The following FRRS1L variants were observed in gnomAD, a reference collection of about 807,000 sequenced individuals.
The protein encoded by FRRS1L is ferric chelate reductase 1 like, also known as DOMON domain-containing protein FRRS1L.
In FRRS1L, 22 loss-of-function variants were observed where a neutral mutation model predicts 28.6. The ratio of observed to expected loss-of-function variants is 0.77; its 90% confidence interval spans 0.55 to 1.10. FRRS1L has a LOEUF of 1.10. Ranked by LOEUF, FRRS1L falls within the 50% of genes least tolerant of loss-of-function variation. The probability of loss-of-function intolerance (pLI) is 0.00; values close to 1 mark genes in which losing one functional copy is unlikely to be tolerated. For missense variants in FRRS1L, 380 were observed against 386.9 expected (o/e 0.98, Z 0.15); for synonymous variants, 158 against 151.4 (o/e 1.04, Z -0.32).
At position 109,166,936 on chromosome 9, in the gene FRRS1L, C is replaced by T; in HGVS notation, c.203G>A (p.Gly68Glu). 1.5e-6 allele frequency: 2 copies of T among 1,376,698 alleles called. No homozygotes were observed. The highest frequency in any genetic ancestry group is 1.9e-6 in the Non-Finnish European group (2 of 1,056,364). 85.3% of individuals were successfully genotyped at this position (1,376,698 alleles called of 1,614,324 possible). A position where few individuals can be genotyped will look rare whatever the true frequency, so the allele number is the denominator to read the frequency against. ...RHDSSYGTFAGEFYDLRYLSE... is the reference protein window; with the variant it reads ...RHDSSYGTFAEEFYDLRYLSE... ...CAGGTAGCGCAGGTCGTAGAACTCC[C>T]CCGCGAAGGTGCCGTAGGAGGAGTC... Residue 68 changes from glycine to glutamate, a missense_variant, in exon 1 of 5, where the codon GGG becomes GAG. Physicochemically the swap from Gly to Glu is moderately conservative, Grantham distance 98 (BLOSUM62 -2). Coordinates refer to ENST00000561981, the MANE Select transcript of FRRS1L (RefSeq NM_014334.4).
chr9:109,155,609 C>T (rs1831394014), intron 1 of FRRS1L, among the ~76,000 whole-genome samples: 2 of 149,738 alleles, frequency 1.3e-5, no homozygotes, highest in Non-Finnish European at 3.0e-5. Flanking sequence ...GAGGCTGAGA[C>T]AGGAGAATTG....
At position 109,132,907 on chromosome 9, in the gene FRRS1L, T is replaced by G. The variant is rs540401110; in HGVS notation, c.*4548A>C. On this transcript the variant is annotated 3_prime_UTR_variant, in exon 5 of 5. Coordinates refer to ENST00000561981, the MANE Select transcript of FRRS1L (RefSeq NM_014334.4). ...AAGCCAAAAAACTACTATCTGACCC[T>G]TAACAGAGAAAGTTTGCTGACCCCT... 4 of 152,344 alleles carry G rather than the reference T, an allele frequency of 2.6e-5. No individual in the cohort carries two copies. Among genetic ancestry groups the G allele is most frequent in the Admixed American group, 1.3e-4 (2 of 15,296 alleles). 9.4% of individuals were successfully genotyped at this position (152,344 alleles called of 1,614,324 possible).
rs4400461 is a variant in FRRS1L at position 109,157,810 on chromosome 9, C to T, written c.239-8090G>A. On this transcript the variant is annotated intron_variant, in intron 1 of 4. Transcript: ENST00000561981. The stretch of plus-strand genomic sequence containing the variant: ...CTGATTAGTTTCTTCTATCGATATA[C>T]GACATAATTTGCTCCTTATGTTTTA... Among the ~76,000 whole-genome samples the T allele has an allele frequency of 7.9e-3, 1,203 of 152,230 alleles. 13 individuals carry two copies. The highest frequency in any genetic ancestry group is 0.028 in the African/African-American group (1,156 of 41,522).
Position 109,149,010 on chromosome 9 carries a change from C to T in FRRS1L, c.323+626G>A, listed in dbSNP as rs547502199. On this transcript the variant is annotated intron_variant, in intron 2 of 4. Transcript: ENST00000561981. ...TGACCATCAAAACTTTGCCCCTGAC[C>T]ATCAAATTATTCAGGGGCAATTTGT... Among the ~76,000 whole-genome samples, 264 of 152,226 alleles carry T rather than the reference C, an allele frequency of 1.7e-3. 2 individuals carry two copies. Among genetic ancestry groups the T allele is most frequent in the African/African-American group, 6.1e-3 (254 of 41,538 alleles).
chr9:109,134,367 T>C lies in FRRS1L; in HGVS notation c.*3088A>G, dbSNP rs1415830834. The C allele has an allele frequency of 2.6e-5, 4 of 152,236 alleles. No homozygotes were observed. The highest frequency in any genetic ancestry group is 7.2e-5 in the African/African-American group (3 of 41,530). The allele number at this position is 152,236 out of a possible 1,614,324, so 9.4% of individuals were successfully genotyped here. A position where few individuals can be genotyped will look rare whatever the true frequency, so the allele number is the denominator to read the frequency against. Reference sequence around the variant, plus strand: ...GGAAGCCCAATGTGCTATGGGAGCATTTGATGGGGGCCTGGACCTATGTAG... The same window carrying C: ...GGAAGCCCAATGTGCTATGGGAGCACTTGATGGGGGCCTGGACCTATGTAG... On this transcript the variant is annotated 3_prime_UTR_variant, in exon 5 of 5. Transcript: ENST00000561981.
At chr9:109,165,799 GCTT>G (rs1031337059) in intron 1 of FRRS1L, among the ~76,000 whole-genome samples, 2 of 152,184 alleles carry the variant, frequency 1.3e-5, no homozygotes, top group Non-Finnish European at 2.9e-5. Flanking sequence ...CCTTCTTCCT[GCTT>G]CATTTTTCCC....
In FRRS1L at chr9:109,130,857, C is replaced by T. The variant is rs1201528049; in HGVS notation, c.*6598G>A. 2 of 152,204 alleles carry T rather than the reference C, an allele frequency of 1.3e-5. No individual in the cohort carries two copies. Among genetic ancestry groups the T allele is most frequent in the African/African-American group, 2.4e-5 (1 of 41,456 alleles). The allele number at this position is 152,204 out of a possible 1,614,324, so 9.4% of individuals were successfully genotyped here. A position where few individuals can be genotyped will look rare whatever the true frequency, so the allele number is the denominator to read the frequency against. ...TGGGTGAATGCTACACCCACTGCAG[C>T]ACCCCATTACCTTAGAGAATCAATT... On this transcript the variant is annotated 3_prime_UTR_variant, in exon 5 of 5. Transcript: ENST00000561981.
intron 1 of FRRS1L, chr9:109,149,926 A>C (rs1224956083): frequency 1.1e-5 from 6 of 530,288 alleles, no homozygotes; most frequent in Non-Finnish European, 2.0e-5. Flanking sequence ...ATGTGAACTG[A>C]GAGTAGGTGT....
Position 109,131,228 on chromosome 9 carries a change from T to G in FRRS1L, c.*6227A>C, listed in dbSNP as rs1182458259. The G allele has an allele frequency of 2.0e-5, 3 of 152,240 alleles. No homozygotes were observed. Among genetic ancestry groups the G allele is most frequent in the African/African-American group, 7.2e-5 (3 of 41,462 alleles). The allele number at this position is 152,240 out of a possible 1,614,324, so 9.4% of individuals were successfully genotyped here. A position where few individuals can be genotyped will look rare whatever the true frequency, so the allele number is the denominator to read the frequency against. On this transcript the variant is annotated 3_prime_UTR_variant, in exon 5 of 5. Transcript: ENST00000561981. ...CCAGTTACTCAGCTAACACTAGTCT[T>G]GGTTTCTTAACTAACAGTATAGAAA...
chr9:109,153,752 T>C (rs1831367117), intron 1 of FRRS1L, among the ~76,000 whole-genome samples: 1 of 152,140 alleles, frequency 6.6e-6, no homozygotes. Context: ...GTGTAGGAAC[T>C]GAATTGCAGT....
At chr9:109,159,597 G>A (rs1001375534) in intron 1 of FRRS1L, among the ~76,000 whole-genome samples, 1 of 152,232 alleles carries the variant, frequency 6.6e-6, no homozygotes, top group Non-Finnish European at 1.5e-5. Context: ...CCTGGGAAGT[G>A]TAGTGAGCCA....
intron 1 of FRRS1L, among the ~76,000 whole-genome samples, chr9:109,166,273 G>A (rs779406783): frequency 2.0e-5 from 3 of 152,124 alleles, no homozygotes; most frequent in African/African-American, 7.2e-5. Flanking sequence ...CCCAGTCTGC[G>A]GGCCCAGCAG....
chr9:109,161,410 C>A (rs1313083038), intron 1 of FRRS1L, among the ~76,000 whole-genome samples: 1 of 151,890 alleles, frequency 6.6e-6, no homozygotes, highest in African/African-American at 2.4e-5. Flanking sequence ...CTTTTCTTTC[C>A]TTCTGCTGAC....
chr9:109,164,778 G>A (rs1421641566), intron 1 of FRRS1L, among the ~76,000 whole-genome samples: 4 of 152,182 alleles, frequency 2.6e-5, no homozygotes, highest in African/African-American at 9.7e-5. Context: ...GCAGAATGGT[G>A]GGGGCGCGAA....
rs1311748440 is a variant in FRRS1L at position 109,135,744 on chromosome 9, C to G, written c.*1711G>C. 2.6e-5 allele frequency: 4 copies of G among 151,982 alleles called. No individual in the cohort carries two copies. Among genetic ancestry groups the G allele is most frequent in the Non-Finnish European group, 5.9e-5 (4 of 68,014 alleles). The allele number at this position is 151,982 out of a possible 1,614,324, so 9.4% of individuals were successfully genotyped here. ...GGGATTACAGGTGTGAGCCACCGCGCTCAGCCACAAGTCTGAACATTTAAA... is the reference window on the plus strand; with the variant it reads ...GGGATTACAGGTGTGAGCCACCGCGGTCAGCCACAAGTCTGAACATTTAAA... On this transcript the variant is annotated 3_prime_UTR_variant, in exon 5 of 5. Coordinates refer to ENST00000561981, the MANE Select transcript of FRRS1L (RefSeq NM_014334.4).
At chr9:109,137,925 C>A in intron 4 of FRRS1L, 1 of 170,074 alleles carries the variant, frequency 5.9e-6, no homozygotes, top group Non-Finnish European at 1.3e-5. Context: ...CTACTAGTTA[C>A]ATAATTTTGT....
chr9:109,141,215 T>A (rs1311131629), intron 4 of FRRS1L, 128 bp downstream of exon 4: 2 of 988,758 alleles, frequency 2.0e-6, no homozygotes, highest in East Asian at 5.0e-5. Context: ...AGGAGTCGCA[T>A]CTCCTTTTCC....
chr9:109,144,983 A>T (rs998708678), intron 3 of FRRS1L, among the ~76,000 whole-genome samples: 5 of 152,192 alleles, frequency 3.3e-5, no homozygotes, highest in South Asian at 4.1e-4. Flanking sequence ...CTGAGCCCTC[A>T]GCACTGTCAC....
In FRRS1L at chr9:109,131,766, G is replaced by C. The variant is rs1831059160; in HGVS notation, c.*5689C>G. ...TAAACACATGGAGAACCACCTAACT[G>C]TTCACTAAACATAACCAATTCCGTT... is the stretch of plus-strand genomic sequence containing the variant. On this transcript the variant is annotated 3_prime_UTR_variant, in exon 5 of 5. Transcript: ENST00000561981. 2 of 152,118 alleles carry C rather than the reference G, an allele frequency of 1.3e-5. No homozygotes were observed. Among genetic ancestry groups the C allele is most frequent in the African/African-American group, 4.8e-5 (2 of 41,422 alleles). The allele number at this position is 152,118 out of a possible 1,614,324, so 9.4% of individuals were successfully genotyped here. A position where few individuals can be genotyped will look rare whatever the true frequency, so the allele number is the denominator to read the frequency against.
Sources: allele counts gnomAD v4.1 joint callset (sites outside exome capture counted in the v4.1 genomes callset), GRCh38; gene constraint gnomAD v4.1.1; transcripts MANE v1.5; gene names NCBI Gene and HGNC (gene_info 2026-07-23, HGNC 2026-07-21).